The following TG variants were observed in gnomAD, a reference collection of about 807,000 sequenced individuals.
TG encodes thyroglobulin, also known as thyroid hormones.
TG carries 270 observed loss-of-function variants against 324.7 expected under a neutral mutation model. The ratio of observed to expected loss-of-function variants is 0.83; its 90% confidence interval spans 0.75 to 0.92. The LOEUF (loss-of-function observed/expected upper bound fraction) is 0.92, where lower values mean the gene tolerates loss of function less well. TG is among the 40% of genes least tolerant of loss of function. The probability of loss-of-function intolerance (pLI) is 0.00; values close to 1 mark genes in which losing one functional copy is unlikely to be tolerated. For missense variants in TG, 3,591 were observed against 3,456.4 expected (o/e 1.04, Z -0.98); for synonymous variants, 1,401 against 1,327.0 (o/e 1.06, Z -1.21).
At chr8:132,892,875 CAT>C (rs532143709) in intron 10 of TG, among the ~76,000 whole-genome samples, 1 of 111,746 alleles carries the variant, frequency 8.9e-6, no homozygotes, top group Non-Finnish European at 1.8e-5. Context: ...TGCGTGTGTG[CAT>C]GTGTGTGTGG....
chr8:132,898,792 C>T lies in TG; in HGVS notation c.3218-6C>T, dbSNP rs1587311009. Reference sequence around the variant, plus strand: ...AGTCCTTTACAAGCACCTCTCTCTCCCACAGGCCCGACAACCTGCGAGAAA... The same window carrying T: ...AGTCCTTTACAAGCACCTCTCTCTCTCACAGGCCCGACAACCTGCGAGAAA... On this transcript the variant is annotated splice_polypyrimidine_tract_variant and splice_region_variant and intron_variant, in intron 13 of 47. Coordinates refer to ENST00000220616, the MANE Select transcript of TG (RefSeq NM_003235.5). 4.3e-6 allele frequency: 7 copies of T among 1,613,690 alleles called. No individual in the cohort carries two copies. In the South Asian group the frequency reaches 4.4e-5, roughly 10 times the overall value.
chr8:132,923,978 G>A (rs1192342629), intron 22 of TG, among the ~76,000 whole-genome samples: 1 of 152,090 alleles, frequency 6.6e-6, no homozygotes, highest in East Asian at 1.9e-4. Flanking sequence ...GGTGGGGATG[G>A]TTTCAGGATG....
Position 132,887,183 on chromosome 8 carries a change from G to A in TG, c.1811G>A (p.Ser604Asn). 6.2e-7 allele frequency: 1 copy of A among 1,613,944 alleles called. No homozygotes were observed. Among genetic ancestry groups the A allele is most frequent in the Non-Finnish European group, 8.5e-7 (1 of 1,179,862 alleles). ...DLGDVMETVL[S>N]SQTCEQTPER... ...GGTGATGTGATGGAAACGGTACTCA[G>A]CTCCCAGACCTGTGAGCAGACACCT... The change falls in exon 9 of 48, where the codon AGC becomes AAC. Residue 604 changes from serine to asparagine, a missense_variant. Physicochemically the swap from Ser to Asn is conservative, Grantham distance 46 (BLOSUM62 1). Transcript: ENST00000220616.
chr8:132,984,712 G>A (rs951434566), intron 35 of TG, among the ~76,000 whole-genome samples: 1 of 152,154 alleles, frequency 6.6e-6, no homozygotes, highest in Non-Finnish European at 1.5e-5. Context: ...GGGAGGCTGA[G>A]GTGGGTGGAT....
chr8:133,065,002 C>A (rs573823547), intron 41 of TG, among the ~76,000 whole-genome samples: 2 of 152,344 alleles, frequency 1.3e-5, no homozygotes, highest in South Asian at 4.1e-4. Flanking sequence ...AATTTGAAAA[C>A]ATACTTAGGG....
At chr8:132,926,782 G>A (rs1274806513) in intron 22 of TG, among the ~76,000 whole-genome samples, 1 of 152,126 alleles carries the variant, frequency 6.6e-6, no homozygotes, top group Non-Finnish European at 1.5e-5. Flanking sequence ...CCAGAAAACT[G>A]AAACTCTCAG....
intron 45 of TG, among the ~76,000 whole-genome samples, chr8:133,130,698 T>A (rs543270321): frequency 6.6e-6 from 1 of 152,320 alleles, no homozygotes; most frequent in Non-Finnish European, 1.5e-5. Flanking sequence ...TTCAGTCCAC[T>A]AAGATCGATC....
At chr8:132,971,738 A>C in intron 32 of TG, 56 bp from the exon 33 acceptor site, 2 of 1,247,896 alleles carry the variant, frequency 1.6e-6, no homozygotes, top group Non-Finnish European at 2.4e-6. Context: ...CCCACCCAGT[A>C]GGTCCTGGGT....
intron 38 of TG, among the ~76,000 whole-genome samples, 188 bp from the exon 39 acceptor site, chr8:133,019,414 G>A (rs1587777515): frequency 6.6e-6 from 1 of 152,324 alleles, no homozygotes; most frequent in Non-Finnish European, 1.5e-5. Flanking sequence ...AGAGCGGTGG[G>A]CACTCTGTCA....
intron 23 of TG, among the ~76,000 whole-genome samples, chr8:132,930,288 T>G (rs2739055): frequency 6.6e-6 from 1 of 152,034 alleles, no homozygotes; most frequent in Non-Finnish European, 1.5e-5. Context: ...GGAATCAGCA[T>G]GAGGATGGCA....
chr8:132,963,198 C>T (rs1828020277), intron 29 of TG, 124 bp downstream of exon 29: 1 of 944,278 alleles, frequency 1.1e-6, no homozygotes, highest in Admixed American at 1.8e-5. Flanking sequence ...CATGGACTCT[C>T]CTTTAATCTT....
Position 133,013,715 on chromosome 8 carries a change from C to A in TG, c.6513C>A (p.Asn2171Lys). 1 of 1,613,630 alleles carries A rather than the reference C, an allele frequency of 6.2e-7. No individual in the cohort carries two copies. The highest frequency in any genetic ancestry group is 8.5e-7 in the Non-Finnish European group (1 of 1,180,040). Residue 2171 changes from asparagine to lysine, a missense_variant, in exon 37 of 48, where the codon AAC (asparagine) becomes AAA (lysine). Physicochemically the swap from Asn to Lys is moderately conservative, Grantham distance 94 (BLOSUM62 0). Coordinates refer to ENST00000220616, the MANE Select transcript of TG (RefSeq NM_003235.5). ...QSCTHSLQGQ[N>K]CRLLLREEAT... The stretch of plus-strand genomic sequence containing the variant: ...GCACACATAGTCTGCAGGGTCAGAA[C>A]TGCCGACTTCTGCTTCGTGAAGAGG...
intron 13 of TG, 38 bp from the exon 14 acceptor site, chr8:132,898,760 C>T: frequency 6.3e-7 from 1 of 1,598,468 alleles, no homozygotes. Flanking sequence ...TCTTGGCTCC[C>T]ACGACCAGTC....
At chr8:133,103,251 G>A (rs1849487687) in intron 43 of TG, among the ~76,000 whole-genome samples, 1 of 152,214 alleles carries the variant, frequency 6.6e-6, no homozygotes, top group African/African-American at 2.4e-5. Flanking sequence ...TGGACACAGT[G>A]AGAGCCACCC....
intron 35 of TG, among the ~76,000 whole-genome samples, chr8:132,998,162 G>T (rs1833059383): frequency 6.6e-6 from 1 of 152,172 alleles, no homozygotes; most frequent in Non-Finnish European, 1.5e-5. Flanking sequence ...TGTATTAGGA[G>T]AAATCAAGAG....
intron 27 of TG, among the ~76,000 whole-genome samples, chr8:132,954,009 AG>A (rs1826490374): frequency 6.7e-6 from 1 of 149,234 alleles, no homozygotes; most frequent in Non-Finnish European, 1.5e-5. Flanking sequence ...AAAAAAAAAA[AG>A]CCTTGGCAGA....
At chr8:133,094,242 CTTTT>C (rs765931953) in intron 41 of TG, among the ~76,000 whole-genome samples, 9 of 126,560 alleles carry the variant, frequency 7.1e-5, no homozygotes, top group Non-Finnish European at 4.9e-5. Context: ...CTGTCGTTTT[CTTTT>C]TTTTTTTTTT....
chr8:132,911,284 T>A, intron 18 of TG, 93 bp from the exon 19 acceptor site: 1 of 1,610,920 alleles, frequency 6.2e-7, no homozygotes, highest in East Asian at 2.2e-5. Context: ...TTGAAGGAAG[T>A]AACATAAGCC....
intron 27 of TG, among the ~76,000 whole-genome samples, chr8:132,953,958 T>C (rs1163707458): frequency 6.6e-6 from 1 of 151,528 alleles, no homozygotes; most frequent in East Asian, 1.9e-4. Context: ...AAAGGCAGAT[T>C]AAATGTCCCC....
Sources: gnomAD v4.1 joint callset for allele counts (sites outside exome capture counted in the v4.1 genomes callset) on GRCh38, gnomAD v4.1.1 for gene constraint, MANE v1.5 for transcripts, NCBI Gene and HGNC (gene_info 2026-07-23, HGNC 2026-07-21) for gene names.